Variants in IGF2R observed in about 807,000 individuals in gnomAD.
The protein encoded by IGF2R is insulin like growth factor 2 receptor, also known as cation-independent mannose-6-phosphate receptor.
In IGF2R, 91 loss-of-function variants were observed where a neutral mutation model predicts 270.6. The ratio of observed to expected loss-of-function variants is 0.34; its 90% CI spans 0.28 to 0.40. The LOEUF is 0.40. IGF2R is among the 10% of genes least tolerant of loss of function. The probability of loss-of-function intolerance (pLI) is 1.00; values close to 1 mark genes in which losing one functional copy is unlikely to be tolerated. For synonymous variants in IGF2R, 1,316 were observed against 1,258.9 expected (o/e 1.05, Z -0.96); for missense variants, 2,805 against 3,188.3 (o/e 0.88, Z 2.90).
In IGF2R at chr6:160,047,833, C is replaced by G; in HGVS notation, c.2271C>G (p.Ser757Arg). 2 of 1,614,106 alleles carry G rather than the reference C, an allele frequency of 1.2e-6. No homozygotes were observed. Among genetic ancestry groups the G allele is most frequent in the East Asian group, 2.2e-5 (1 of 44,888 alleles). ...NSTYNFRWYT[S>R]YACPEEPLEC... ...CCTACAACTTCCGGTGGTACACCAG[C>G]TATGCCTGCCCGGAGGAGCCCCTGG... is the stretch of plus-strand genomic sequence containing the variant. The change falls in exon 17 of 48, where the codon AGC becomes AGG. Residue 757 changes from serine (S) to arginine (R), a missense_variant. Transcript: ENST00000356956.
intron 47 of IGF2R, among the ~76,000 whole-genome samples, 199 bp downstream of exon 47, chr6:160,104,014 G>A (rs1026835645): frequency 6.6e-6 from 1 of 151,832 alleles, no homozygotes; most frequent in Non-Finnish European, 1.5e-5. Context: ...TTTCTCTCGT[G>A]GTTACAACTG....
Position 160,024,728 on chromosome 6 carries a change from G to T in IGF2R, c.646+24G>T, listed in dbSNP as rs188164950. ...AGGTATGAATCTTTGTGGGGCTGAG[G>T]GGGTGGTGGTGAGGGATTTCTTCTA... On this transcript the variant is annotated intron_variant, in intron 5 of 47. Transcript: ENST00000356956. 152 of 1,611,598 alleles carry T rather than the reference G, an allele frequency of 9.4e-5. 2 individuals are homozygous for T. Among genetic ancestry groups the T allele is most frequent in the Admixed American group, 6.5e-4 (39 of 59,938 alleles).
chr6:160,024,392 C>A (rs887437682), intron 4 of IGF2R, among the ~76,000 whole-genome samples, 180 bp from the exon 5 acceptor site: 3 of 152,030 alleles, frequency 2.0e-5, no homozygotes. Context: ...GAAGAGATAC[C>A]GAAAAGAACG....
Position 160,045,750 on chromosome 6 carries a change from C to G in IGF2R, c.1771C>G (p.Leu591Val), listed in dbSNP as rs1178956570. The part of the protein sequence containing the change: ...NITLVCKPGD[L>V]ESAPVLRTSG... The stretch of plus-strand genomic sequence containing the variant: ...TCTCTTTTCCCCATTGACAGGTGAT[C>G]TGGAAAGTGCACCAGTGTTGAGAAC... The change falls in exon 14 of 48, where the codon CTG (leucine) becomes GTG (valine). Residue 591 changes from leucine (L) to valine (V), a missense_variant. Physicochemically the swap from Leu to Val is conservative, Grantham distance 32. This residue lies in a region of IGF2R where 954 missense variants were observed against 981.1 expected (regional missense o/e 0.97). Transcript: ENST00000356956. 7 of 1,614,130 alleles carry G rather than the reference C, an allele frequency of 4.3e-6. No homozygotes were observed. The highest frequency in any genetic ancestry group is 5.1e-6 in the Non-Finnish European group (6 of 1,179,996).
intron 19 of IGF2R, among the ~76,000 whole-genome samples, chr6:160,053,429 AAAT>A (rs1264600183): frequency 2.6e-5 from 4 of 152,168 alleles, no homozygotes; most frequent in Admixed American, 6.5e-5. Context: ...AAGGTATTAA[AAAT>A]AATAATAATA....
rs150093116 is a variant in IGF2R, at chr6:159,995,171, C to T, written c.289+3848C>T. Among the ~76,000 whole-genome samples, 716 of 151,656 alleles carry T rather than the reference C, an allele frequency of 4.7e-3. 5 individuals carry two copies. The highest frequency in any genetic ancestry group is 0.015 in the African/African-American group (622 of 41,378). On this transcript the variant is annotated intron_variant, in intron 2 of 47. Transcript: ENST00000356956. ...TGGTTATATCTTGTTGAATTGATCC[C>T]GTTATCATTATTTAATGGTCTTTTT...
chr6:159,984,152 C>T (rs1232323324), intron 1 of IGF2R, among the ~76,000 whole-genome samples: 2 of 152,146 alleles, frequency 1.3e-5, no homozygotes, highest in Non-Finnish European at 2.9e-5. Context: ...TCTGCCTTTA[C>T]GATATAAGTA....
intron 2 of IGF2R, among the ~76,000 whole-genome samples, 168 bp downstream of exon 2, chr6:159,991,491 C>T (rs765474984): frequency 6.8e-4 from 103 of 152,148 alleles, no homozygotes; most frequent in Non-Finnish European, 7.8e-4. Flanking sequence ...AAAATGCTAA[C>T]GGTTTGAATG....
intron 14 of IGF2R, 142 bp downstream of exon 14, chr6:160,046,024 T>C: frequency 1.5e-6 from 1 of 651,660 alleles, no homozygotes; most frequent in East Asian, 3.0e-5. Flanking sequence ...GAACATCCGA[T>C]GTTTGAGGCT....
intron 25 of IGF2R, 139 bp from the exon 26 acceptor site, chr6:160,062,393 T>G: frequency 1.5e-6 from 1 of 666,160 alleles, no homozygotes; most frequent in African/African-American, 1.9e-5. Context: ...AGGCTGATCT[T>G]GAACTCCTGA....
chr6:160,066,660 A>G (rs1184898172), intron 29 of IGF2R, among the ~76,000 whole-genome samples: 1 of 151,972 alleles, frequency 6.6e-6, no homozygotes. Context: ...TCTTTTTGGA[A>G]CCTTCTATAA....
intron 38 of IGF2R, 67 bp from the exon 39 acceptor site, chr6:160,080,062 G>A: frequency 1.3e-6 from 2 of 1,565,268 alleles, no homozygotes; most frequent in Admixed American, 1.7e-5. Context: ...GACTGCTGCT[G>A]CATTCTGAGG....
At chr6:159,999,535 G>A (rs747854776) in intron 2 of IGF2R, among the ~76,000 whole-genome samples, 4 of 152,196 alleles carry the variant, frequency 2.6e-5, no homozygotes, top group Non-Finnish European at 5.9e-5. Context: ...ACCAGGATGG[G>A]AGATCTGAAT....
intron 2 of IGF2R, among the ~76,000 whole-genome samples, chr6:160,002,043 A>G (rs1213325454): frequency 3.9e-5 from 6 of 152,218 alleles, no homozygotes; most frequent in African/African-American, 1.2e-4. Flanking sequence ...TTTGCATGTT[A>G]TATGTATTAA....
At chr6:160,075,346 C>T (rs1383676418) in intron 35 of IGF2R, among the ~76,000 whole-genome samples, 2 of 152,246 alleles carry the variant, frequency 1.3e-5, no homozygotes, top group African/African-American at 2.4e-5. Flanking sequence ...CTCCTGTCCC[C>T]TCTCCCAAGG....
chr6:160,091,561 C>G (rs950939605), intron 44 of IGF2R, among the ~76,000 whole-genome samples: 1 of 152,202 alleles, frequency 6.6e-6, no homozygotes, highest in Non-Finnish European at 1.5e-5. Context: ...GAATGTTCTG[C>G]TTTCTGGGTG....
intron 1 of IGF2R, among the ~76,000 whole-genome samples, chr6:159,987,591 C>T (rs971432150): frequency 6.6e-6 from 1 of 152,132 alleles, no homozygotes; most frequent in Admixed American, 6.5e-5. Flanking sequence ...GGAGTTTCAC[C>T]ATACTGGTCA....
chr6:160,047,587 A>G (rs564353052), intron 16 of IGF2R, among the ~76,000 whole-genome samples: 1 of 152,346 alleles, frequency 6.6e-6, no homozygotes, highest in South Asian at 2.1e-4. Context: ...ATCCTGAATT[A>G]ACCCCCACTT....
intron 5 of IGF2R, 128 bp downstream of exon 5, chr6:160,024,832 T>C (rs909631661): frequency 8.5e-6 from 9 of 1,062,840 alleles, no homozygotes; most frequent in African/African-American, 4.8e-5. Context: ...TAATAAAGCT[T>C]TTGTCCCCAA....
Sources: allele counts gnomAD v4.1 joint callset (sites outside exome capture counted in the v4.1 genomes callset), GRCh38; gene constraint gnomAD v4.1.1; regional missense constraint gnomAD v4.1.1; transcripts MANE v1.5; gene names NCBI Gene and HGNC (gene_info 2026-07-23, HGNC 2026-07-21).